The following ENTHD1 variants were observed in gnomAD, a reference collection of about 807,000 sequenced individuals.
The protein encoded by ENTHD1 is ENTH domain containing 1.
Under a neutral mutation model 39.1 loss-of-function variants are expected in ENTHD1, and 23 were observed. The observed-to-expected ratio is 0.59, with a 90% CI of 0.42 to 0.83. The LOEUF (loss-of-function observed/expected upper bound fraction) is 0.83. ENTHD1 is among the 40% of genes least tolerant of loss of function. The probability of loss-of-function intolerance (pLI) is 0.00; values close to 1 mark genes in which losing one functional copy is unlikely to be tolerated. For synonymous variants in ENTHD1, 230 were observed against 258.2 expected, an observed-to-expected ratio of 0.89 and a Z score of 1.05; for missense variants, 624 against 705.4, an observed-to-expected ratio of 0.88 and a Z score of 1.31.
intron 2 of ENTHD1, among the ~76,000 whole-genome samples, chr22:39,881,329 G>A (rs2066336413): frequency 1.3e-5 from 2 of 152,076 alleles, no homozygotes; most frequent in South Asian, 4.1e-4. Flanking sequence ...TGGAAACACA[G>A]GGAAAATCAT....
At chr22:39,806,852 C>T (rs955937109) in intron 5 of ENTHD1, among the ~76,000 whole-genome samples, 1 of 152,128 alleles carries the variant, frequency 6.6e-6, no homozygotes, top group South Asian at 2.1e-4. Context: ...AAGATTCAGA[C>T]AAATGAATAG....
intron 5 of ENTHD1, among the ~76,000 whole-genome samples, chr22:39,816,604 T>C (rs1237537142): frequency 1.3e-5 from 2 of 152,192 alleles, no homozygotes; most frequent in Non-Finnish European, 2.9e-5. Context: ...AGTCAATAAA[T>C]GTTGAGACAA....
intron 5 of ENTHD1, among the ~76,000 whole-genome samples, chr22:39,799,083 G>A (rs2065576780): frequency 6.6e-6 from 1 of 152,200 alleles, no homozygotes; most frequent in South Asian, 2.1e-4. Context: ...TTGTTCTCAG[G>A]CCCTCTGGTT....
chr22:39,887,673 A>G lies in ENTHD1; in HGVS notation c.76T>C (p.Ser26Pro), dbSNP rs2066391100. 6.2e-7 allele frequency: 1 copy of G among 1,604,260 alleles called. No individual in the cohort carries two copies. The highest frequency in any genetic ancestry group is 1.3e-5 in the African/African-American group (1 of 74,392). The change falls in exon 2 of 7, where the codon TCT (serine) becomes CCT (proline). Residue 26 changes from serine (S) to proline (P), a missense_variant. Physicochemically the swap from Ser to Pro is moderately conservative, Grantham distance 74. Coordinates refer to ENST00000325157, the MANE Select transcript of ENTHD1 (RefSeq NM_152512.4). Reference protein sequence around the residue: ...DAEIKVREATSNDPWGPSSSL... With the variant: ...DAEIKVREATPNDPWGPSSSL... ...CTAGAGGGACCCCAAGGGTCGTTAGAAGTTGCTTCCCTGACTTTTATTTCA... is the reference window on the plus strand; with the variant it reads ...CTAGAGGGACCCCAAGGGTCGTTAGGAGTTGCTTCCCTGACTTTTATTTCA...
intron 5 of ENTHD1, among the ~76,000 whole-genome samples, chr22:39,789,364 T>C (rs1461147199): frequency 6.6e-6 from 1 of 152,220 alleles, no homozygotes; most frequent in Non-Finnish European, 1.5e-5. Context: ...TTTTTTTTCT[T>C]CCTTAACTCC....
At chr22:39,758,595 T>C (rs1173922527) in intron 6 of ENTHD1, among the ~76,000 whole-genome samples, 1 of 152,008 alleles carries the variant, frequency 6.6e-6, no homozygotes, top group African/African-American at 2.4e-5. Context: ...TGGCTAATGT[T>C]TTAAATTTTT....
chr22:39,865,141 G>T (rs559811857), intron 2 of ENTHD1, among the ~76,000 whole-genome samples: 1 of 152,008 alleles, frequency 6.6e-6, no homozygotes, highest in African/African-American at 2.4e-5. Flanking sequence ...TGTGTGGATT[G>T]GTGGGATTTG....
At chr22:39,866,929 G>C (rs1359502638) in intron 2 of ENTHD1, among the ~76,000 whole-genome samples, 1 of 151,780 alleles carries the variant, frequency 6.6e-6, no homozygotes, top group Non-Finnish European at 1.5e-5. Flanking sequence ...TTGAGACGGA[G>C]TCTCGCTCTG....
At chr22:39,832,901 T>C (rs1300584262) in intron 4 of ENTHD1, among the ~76,000 whole-genome samples, 1 of 152,112 alleles carries the variant, frequency 6.6e-6, no homozygotes, top group Non-Finnish European at 1.5e-5. Context: ...TGACACTCCA[T>C]TTGCTGCCCT....
chr22:39,819,082 A>G (rs1243190014), intron 5 of ENTHD1, among the ~76,000 whole-genome samples: 2 of 152,162 alleles, frequency 1.3e-5, no homozygotes, highest in Non-Finnish European at 2.9e-5. Flanking sequence ...GAAAAGAGCT[A>G]TCGGCTAGGC....
intron 5 of ENTHD1, among the ~76,000 whole-genome samples, chr22:39,768,631 T>C (rs1000714076): frequency 6.6e-6 from 1 of 152,156 alleles, no homozygotes; most frequent in African/African-American, 2.4e-5. Flanking sequence ...GCCTATCACA[T>C]ATCATATTAA....
chr22:39,885,801 TG>T (rs1219303080), intron 2 of ENTHD1, among the ~76,000 whole-genome samples: 4 of 152,148 alleles, frequency 2.6e-5, no homozygotes, highest in Non-Finnish European at 5.9e-5. Flanking sequence ...GATAGGGCCT[TG>T]GTGGAACGGG....
intron 4 of ENTHD1, among the ~76,000 whole-genome samples, chr22:39,829,010 G>T (rs144764428): frequency 9.9e-5 from 15 of 152,074 alleles, no homozygotes; most frequent in East Asian, 7.7e-4. Context: ...TATTTTAAGC[G>T]CCCCTCATTC....
chr22:39,791,568 T>C (rs1475403335), intron 5 of ENTHD1, among the ~76,000 whole-genome samples: 1 of 151,880 alleles, frequency 6.6e-6, no homozygotes. Flanking sequence ...CTGATTTTTT[T>C]TGTATTTTTA....
intron 5 of ENTHD1, among the ~76,000 whole-genome samples, chr22:39,804,249 G>T (rs1467314284): frequency 1.3e-5 from 2 of 152,020 alleles, no homozygotes; most frequent in Non-Finnish European, 2.9e-5. Context: ...ACTTTGGGAG[G>T]TTGAAGTGGG....
At chr22:39,877,207 C>T (rs1385351601) in intron 2 of ENTHD1, among the ~76,000 whole-genome samples, 1 of 152,140 alleles carries the variant, frequency 6.6e-6, no homozygotes, top group Non-Finnish European at 1.5e-5. Flanking sequence ...TAGCTGTCCA[C>T]CCAAGACCTT....
At chr22:39,779,798 AG>A (rs988275991) in intron 5 of ENTHD1, among the ~76,000 whole-genome samples, 2 of 152,178 alleles carry the variant, frequency 1.3e-5, no homozygotes, top group African/African-American at 4.8e-5. Context: ...AAGTGTAGAA[AG>A]TTTTTTTCAT....
intron 4 of ENTHD1, among the ~76,000 whole-genome samples, chr22:39,826,419 T>C (rs1459331602): frequency 6.6e-6 from 1 of 152,162 alleles, no homozygotes; most frequent in Non-Finnish European, 1.5e-5. Flanking sequence ...GTTTTCCTGT[T>C]TTCAATTTCA....
chr22:39,833,010 G>A (rs533563599), intron 4 of ENTHD1, among the ~76,000 whole-genome samples: 61 of 152,224 alleles, frequency 4.0e-4, no homozygotes, highest in Non-Finnish European at 7.4e-4. Context: ...GAGAAAATCT[G>A]GGGGCGACTG....
Sources: allele counts gnomAD v4.1 joint callset (sites outside exome capture counted in the v4.1 genomes callset), GRCh38; gene constraint gnomAD v4.1.1; transcripts MANE v1.5; gene names NCBI Gene and HGNC (gene_info 2026-07-23, HGNC 2026-07-21).